Variants in YWHAZ observed in about 807,000 individuals in gnomAD.
YWHAZ encodes 14-3-3 protein zeta/delta.
For synonymous variants in YWHAZ, 87 were observed against 103.6 expected, an observed-to-expected ratio of 0.84 and a Z score of 0.97; for missense variants, 79 against 284.8, an observed-to-expected ratio of 0.28 and a Z score of 5.20.
intron 2 of YWHAZ, among the ~76,000 whole-genome samples, chr8:100,930,587 T>G (rs1016897836): frequency 2.0e-5 from 3 of 152,200 alleles, no homozygotes; most frequent in African/African-American, 7.2e-5. Flanking sequence ...AAATATAATC[T>G]CATTTAGAAA....
At chr8:100,926,655 A>T (rs140840235) in intron 2 of YWHAZ, among the ~76,000 whole-genome samples, 1 of 152,186 alleles carries the variant, frequency 6.6e-6, no homozygotes, top group South Asian at 2.1e-4. Flanking sequence ...ACTGGCCGGA[A>T]ATCAGAAGAA....
rs1264126029 is a variant in YWHAZ, at chr8:100,918,615, A to G, written c.*2078T>C. The G allele has an allele frequency of 6.6e-5, 10 of 151,356 alleles. No individual in the cohort carries two copies. Among genetic ancestry groups the G allele is most frequent in the Non-Finnish European group, 1.2e-4 (8 of 67,864 alleles). 9.4% of individuals were successfully genotyped at this position (151,356 alleles called of 1,614,324 possible). A position where few individuals can be genotyped will look rare whatever the true frequency, so the allele number is the denominator to read the frequency against. ...TTATTTGAATGTAATATTTGGGACA[A>G]TTATTCAAAAGGGCCAATATTTCCC... On this transcript the variant is annotated 3_prime_UTR_variant, in exon 6 of 6. Transcript: ENST00000395958.
At chr8:100,945,391 G>A (rs1309684039) in intron 2 of YWHAZ, among the ~76,000 whole-genome samples, 1 of 152,092 alleles carries the variant, frequency 6.6e-6, no homozygotes, top group African/African-American at 2.4e-5. Flanking sequence ...TAGGAAGAAA[G>A]TTTATTTTCA....
At chr8:100,940,031 C>G (rs1415210790) in intron 2 of YWHAZ, among the ~76,000 whole-genome samples, 8 of 143,036 alleles carry the variant, frequency 5.6e-5, no homozygotes, top group Non-Finnish European at 1.5e-5. Context: ...CCACTGCACT[C>G]CAGCCTGGGG....
intron 2 of YWHAZ, among the ~76,000 whole-genome samples, chr8:100,944,709 A>T (rs1810137958): frequency 6.6e-6 from 1 of 152,218 alleles, no homozygotes; most frequent in Non-Finnish European, 1.5e-5. Context: ...GCAGGCTCAC[A>T]CTTTTAAATA....
chr8:100,924,278 G>T lies in YWHAZ; in HGVS notation c.439C>A (p.Gln147Lys), dbSNP rs1313286569. The T allele has an allele frequency of 1.9e-6, 3 of 1,613,346 alleles. No individual in the cohort carries two copies. In the Admixed American group the frequency reaches 5.0e-5, roughly 27 times the overall value. The change falls in exon 4 of 6, where the codon CAA becomes AAA. Residue 147 changes from glutamine (Q) to lysine (K), a missense_variant. By Grantham distance (53) the Gln-to-Lys change is moderately conservative (BLOSUM62 1). Coordinates refer to ENST00000395958, the MANE Select transcript of YWHAZ (RefSeq NM_145690.3). This position sits in a 1 kb window ranked among gnomAD's most constrained non-coding sequence, Gnocchi z 5.7. Reference protein sequence around the residue: ...DKKGIVDQSQQAYQEAFEISK... With the variant: ...DKKGIVDQSQKAYQEAFEISK... ...ATTTCAAAAGCTTCTTGGTATGCTTGTTGTGACTGATCGACAATCCCTGGA... is the reference window on the plus strand; with the variant it reads ...ATTTCAAAAGCTTCTTGGTATGCTTTTTGTGACTGATCGACAATCCCTGGA...
intron 1 of YWHAZ, chr8:100,951,610 G>C: frequency 2.0e-6 from 2 of 985,238 alleles, no homozygotes; most frequent in Non-Finnish European, 2.4e-6. Flanking sequence ...CCACCTTCGG[G>C]AGCCGGCGAC....
intron 1 of YWHAZ, chr8:100,951,017 C>T (rs1684856860): frequency 7.6e-6 from 3 of 393,542 alleles, no homozygotes; most frequent in South Asian, 1.0e-4. Context: ...TTCTCTACCC[C>T]GACCTGGACT....
intron 2 of YWHAZ, among the ~76,000 whole-genome samples, chr8:100,946,312 G>A (rs1356927873): frequency 1.3e-5 from 2 of 152,214 alleles, no homozygotes; most frequent in African/African-American, 4.8e-5. Flanking sequence ...GCCAAGGCGA[G>A]TGGATCACCT....
chr8:100,951,404 G>C (rs930012630), intron 1 of YWHAZ: 1 of 965,792 alleles, frequency 1.0e-6, no homozygotes, highest in Non-Finnish European at 1.2e-6. Flanking sequence ...GGCTGCGCGA[G>C]GGGGAGGGAA....
upstream of YWHAZ, chr8:100,952,598 T>A: frequency 5.6e-6 from 1 of 180,050 alleles, no homozygotes; most frequent in Non-Finnish European, 1.0e-5. Context: ...CGCCCCACCC[T>A]CCGTGCTTCG....
At chr8:100,933,977 T>C (rs1813941590) in intron 2 of YWHAZ, among the ~76,000 whole-genome samples, 1 of 151,224 alleles carries the variant, frequency 6.6e-6, no homozygotes, top group African/African-American at 2.4e-5. Flanking sequence ...GCCATCATGT[T>C]GAAACCCCAT....
intron 2 of YWHAZ, among the ~76,000 whole-genome samples, chr8:100,944,261 A>C (rs899627853): frequency 6.6e-6 from 1 of 152,188 alleles, no homozygotes; most frequent in African/African-American, 2.4e-5. Context: ...AAGGCACGTA[A>C]TAATATATTC....
At chr8:100,951,179 A>G (rs1450563523) in intron 1 of YWHAZ, 3 of 982,494 alleles carry the variant, frequency 3.1e-6, no homozygotes, top group Non-Finnish European at 3.6e-6. Context: ...CCACCCCAAA[A>G]CCTCACCCCG....
At chr8:100,951,368 C>T (rs1281508024) in intron 1 of YWHAZ, 4 of 984,398 alleles carry the variant, frequency 4.1e-6, no homozygotes, top group African/African-American at 1.7e-5. Flanking sequence ...AGGGCCGGGT[C>T]CCGCCGCCGC....
Position 100,920,260 on chromosome 8 carries a change from T to TA in YWHAZ, c.*432dup, listed in dbSNP as rs556367600. The stretch of plus-strand genomic sequence containing the variant: ...GGGGTATGATTCTACCACAGCCTTG[T>TA]AAGTGCTCCAAACCTTAAAGTACCC... On this transcript the variant is annotated 3_prime_UTR_variant, in exon 6 of 6. Transcript: ENST00000395958. 61 of 171,260 alleles carry TA rather than the reference T, an allele frequency of 3.6e-4. No homozygotes were observed. The East Asian group carries it at 9.4e-3, about 26-fold the overall frequency. 10.6% of individuals were successfully genotyped at this position (171,260 alleles called of 1,614,324 possible). A position where few individuals can be genotyped will look rare whatever the true frequency, so the allele number is the denominator to read the frequency against.
intron 2 of YWHAZ, among the ~76,000 whole-genome samples, chr8:100,943,994 A>AG (rs1365297770): frequency 6.8e-6 from 1 of 147,964 alleles, no homozygotes. Context: ...CTCAAAAAAA[A>AG]AAAGAAAAAA....
rs950786217 is a variant in YWHAZ, at chr8:100,948,503, G to A, written c.294+93C>T. On this transcript the variant is annotated intron_variant, in intron 2 of 5. Coordinates refer to ENST00000395958, the MANE Select transcript of YWHAZ (RefSeq NM_145690.3). This position sits in a 1 kb window ranked among gnomAD's most constrained non-coding sequence, Gnocchi z 4.2. ...ATTTGGAACACACAATGTTTAGAAG[G>A]AAAAGAAAAACCAAACAAAAAGTTA... 10 of 1,386,002 alleles carry A rather than the reference G, an allele frequency of 7.2e-6. No individual in the cohort carries two copies. The South Asian group carries it at 8.5e-5, about 12-fold the overall frequency. 85.9% of individuals were successfully genotyped at this position (1,386,002 alleles called of 1,614,324 possible). A position where few individuals can be genotyped will look rare whatever the true frequency, so the allele number is the denominator to read the frequency against.
At chr8:100,928,914 G>A (rs2130165679) in intron 2 of YWHAZ, among the ~76,000 whole-genome samples, 1 of 152,242 alleles carries the variant, frequency 6.6e-6, no homozygotes, top group East Asian at 1.9e-4. Flanking sequence ...AATTTAGCAA[G>A]AGGGAAGATT....
Sources: gnomAD v4.1 joint callset for allele counts (sites outside exome capture counted in the v4.1 genomes callset) on GRCh38, gnomAD v4.1.1 for gene constraint, Gnocchi (gnomAD v3.1) non-coding constraint, MANE v1.5 for transcripts, NCBI Gene and HGNC (gene_info 2026-07-23, HGNC 2026-07-21) for gene names.